The following RESP18 variants were observed in gnomAD, a reference collection of about 807,000 sequenced individuals.
RESP18 encodes regulated endocrine-specific protein 18.
RESP18 carries 30 observed loss-of-function variants against 30.0 expected under a neutral mutation model. The observed-to-expected ratio is 1.00, with a 90% CI of 0.75 to 1.36. The LOEUF is 1.36. Ranked by LOEUF, RESP18 falls within the 40% of genes most tolerant of loss-of-function variation. The pLI is 0.00. For synonymous variants in RESP18, 117 were observed against 111.2 expected (o/e 1.05, Z -0.33); for missense variants, 320 against 284.2 (o/e 1.13, Z -0.91).
chr2:219,332,442 T>C (rs1952840948), intron 2 of RESP18, 82 bp downstream of exon 1: 2 of 1,037,656 alleles, frequency 1.9e-6, no homozygotes, highest in Admixed American at 5.1e-5. Flanking sequence ...CCAAGTTTCC[T>C]AGCCTTGAGG....
rs1952820583 is a variant in RESP18, at chr2:219,330,653, A to G, written c.337+118T>C. ...TCATCCCCATGGGGGTAAATGTGACAAAGTTTTAAGTAGAGACATTTGGGG... is the reference window on the plus strand; with the variant it reads ...TCATCCCCATGGGGGTAAATGTGACGAAGTTTTAAGTAGAGACATTTGGGG... On this transcript the variant is annotated intron_variant, in intron 3 of 6. Transcript: ENST00000333527. 9 of 663,872 alleles carry G rather than the reference A, an allele frequency of 1.4e-5. No homozygotes were observed. The South Asian group carries it at 1.5e-4, about 11-fold the overall frequency. The allele number at this position is 663,872 out of a possible 1,614,324, so 41.1% of individuals were successfully genotyped here. A position where few individuals can be genotyped will look rare whatever the true frequency, so the allele number is the denominator to read the frequency against.
Position 219,327,543 on chromosome 2 carries a change from AG to A in RESP18, c.660del (p.Tyr221ThrfsTer10). Reference sequence around the variant, plus strand: ...CAGCCACAGGGTTGCGGCCCACAGTAGGAAGTGGCCCAGAGAAGCCCTAAAA... The same window carrying A: ...CAGCCACAGGGTTGCGGCCCACAGTAGAAGTGGCCCAGAGAAGCCCTAAAA... On this transcript the variant is annotated frameshift_variant, in exon 7 of 7. Coordinates refer to ENST00000333527, the MANE Select transcript of RESP18 (RefSeq NM_001007089.4). LOFTEE classifies it high-confidence loss of function. 6.4e-7 allele frequency: 1 copy of A among 1,551,682 alleles called. No homozygotes were observed. Among genetic ancestry groups the A allele is most frequent in the South Asian group, 1.2e-5 (1 of 84,062 alleles).
intron 4 of RESP18, 55 bp downstream of exon 3, chr2:219,329,582 T>C (rs1952808301): frequency 1.3e-6 from 2 of 1,547,724 alleles, no homozygotes; most frequent in Non-Finnish European, 1.7e-6. Context: ...ATTCCTTCCC[T>C]GTTCCGTCTG....
At chr2:219,329,348 T>G in intron 4 of RESP18, 96 bp from the exon 4 acceptor site, 1 of 1,551,712 alleles carries the variant, frequency 6.4e-7, no homozygotes, top group East Asian at 2.4e-5. Flanking sequence ...GGATTCACAA[T>G]TCTTGAGAAG....
intron 6 of RESP18, 58 bp downstream of exon 5, chr2:219,328,866 G>A: frequency 9.0e-7 from 1 of 1,105,200 alleles, no homozygotes; most frequent in Admixed American, 2.1e-5. Context: ...ATGGCAAAAA[G>A]GACGTTTAAT....
intron 6 of RESP18, 103 bp downstream of exon 5, chr2:219,328,821 A>G: frequency 5.8e-6 from 4 of 686,350 alleles, no homozygotes; most frequent in Non-Finnish European, 1.0e-5. Flanking sequence ...TCATCAAGGG[A>G]GTGTTGCTAT....
chr2:219,332,647 G>C lies in RESP18; in HGVS notation c.109C>G (p.Arg37Gly), dbSNP rs1296704339. 1 of 1,551,292 alleles carries C rather than the reference G, an allele frequency of 6.4e-7. No individual in the cohort carries two copies. The change falls in exon 2 of 7, where the codon CGC (arginine) becomes GGC (glycine). Residue 37 changes from arginine to glycine, a missense_variant. Transcript: ENST00000333527. ...TGCTGTATCCTCCCAGGCTCGGCGCGCTCACTCCCCGGCCAAGTCTCAGTG... is the reference window on the plus strand; with the variant it reads ...TGCTGTATCCTCCCAGGCTCGGCGCCCTCACTCCCCGGCCAAGTCTCAGTG...
intron 1 of RESP18, 34 bp from the exon 1 acceptor site, chr2:219,332,778 G>C (rs542443264): frequency 6.8e-7 from 1 of 1,467,874 alleles, no homozygotes; most frequent in African/African-American, 1.4e-5. Flanking sequence ...ATCGTGAGCG[G>C]GCCCTGCCCC....
chr2:219,331,090 TA>T, intron 2 of RESP18: 1 of 488,152 alleles, frequency 2.0e-6, no homozygotes, highest in South Asian at 2.7e-5. Flanking sequence ...TCACTCTTGG[TA>T]CCAACTTACA....
intron 1 of RESP18, chr2:219,333,048 C>G: frequency 2.0e-6 from 2 of 976,866 alleles, no homozygotes; most frequent in Non-Finnish European, 2.9e-6. Context: ...CCTTGACACT[C>G]TTTACTCTGG....
Position 219,332,637 on chromosome 2 carries a change from G to A in RESP18, c.119C>T (p.Pro40Leu), listed in dbSNP as rs755208921. The change falls in exon 2 of 7, where the codon CCT becomes CTT. Residue 40 changes from proline to leucine, a missense_variant. By Grantham distance (98) the Pro-to-Leu change is moderately conservative. Coordinates refer to ENST00000333527, the MANE Select transcript of RESP18 (RefSeq NM_001007089.4). ...CCACAGTGGGTGCTGTATCCTCCCAGGCTCGGCGCGCTCACTCCCCGGCCA... is the reference window on the plus strand; with the variant it reads ...CCACAGTGGGTGCTGTATCCTCCCAAGCTCGGCGCGCTCACTCCCCGGCCA... 5 of 1,551,378 alleles carry A rather than the reference G, an allele frequency of 3.2e-6. No homozygotes were observed. Among genetic ancestry groups the A allele is most frequent in the South Asian group, 1.2e-5 (1 of 84,050 alleles).
intron 2 of RESP18, chr2:219,331,129 G>A (rs957808225): frequency 1.0e-5 from 4 of 393,554 alleles, no homozygotes; most frequent in Non-Finnish European, 4.6e-6. Context: ...AGAGCAGCCT[G>A]TAGAAGTTCA....
intron 3 of RESP18, 146 bp from the exon 3 acceptor site, chr2:219,329,910 A>G (rs1334035560): frequency 1.3e-5 from 10 of 744,786 alleles, no homozygotes; most frequent in Non-Finnish European, 2.1e-5. Flanking sequence ...TGCTTAGCAT[A>G]GTGCCTAGCA....
At chr2:219,333,138 T>C in intron 1 of RESP18, 1 of 1,475,842 alleles carries the variant, frequency 6.8e-7, no homozygotes, top group East Asian at 2.5e-5. Context: ...ATATATTATA[T>C]ATGGCACATC....
intron 5 of RESP18, 62 bp from the exon 5 acceptor site, chr2:219,329,070 G>A (rs1024762904): frequency 3.9e-5 from 57 of 1,476,348 alleles, no homozygotes; most frequent in Middle Eastern, 1.7e-4. Context: ...TTTCTGCAGC[G>A]ATCTGCCCTC....
rs553312245 is a variant in RESP18, at chr2:219,327,664, T to C, written c.641-101A>G. The C allele has an allele frequency of 4.3e-5, 43 of 999,376 alleles. 1 individual carries two copies. The South Asian group carries it at 5.8e-4, about 14-fold the overall frequency. 61.9% of individuals were successfully genotyped at this position (999,376 alleles called of 1,614,324 possible). On this transcript the variant is annotated intron_variant, in intron 6 of 6. Transcript: ENST00000333527. ...CAAATACTGTAGTAACAGCCTGATTTGAGTAACCCTTCAGCATGGTGACAG... is the reference window on the plus strand; with the variant it reads ...CAAATACTGTAGTAACAGCCTGATTCGAGTAACCCTTCAGCATGGTGACAG...
chr2:219,333,148 C>A, intron 1 of RESP18: 1 of 1,518,120 alleles, frequency 6.6e-7, no homozygotes, highest in Non-Finnish European at 8.9e-7. Flanking sequence ...TATGGCACAT[C>A]CATCCACTTT....
At position 219,329,177 on chromosome 2, in the gene RESP18, C is replaced by T. The variant is rs1296187948; in HGVS notation, c.541G>A (p.Ala181Thr). ...GAGCCCCTCACCTTGACAGGGTTGG[C>T]CACCTCTTGTTTCAGGGCCTTAGAA... Residue 181 changes from alanine to threonine, a missense_variant, in exon 5 of 7, where the codon GCC becomes ACC. By Grantham distance (58) the Ala-to-Thr change is moderately conservative. Coordinates refer to ENST00000333527, the MANE Select transcript of RESP18 (RefSeq NM_001007089.4). The T allele has an allele frequency of 8.4e-6, 13 of 1,551,608 alleles. No individual in the cohort carries two copies. In the East Asian group the frequency reaches 3.2e-4, roughly 38 times the overall value.
chr2:219,330,206 A>G (rs1952815536), intron 3 of RESP18, among the ~76,000 whole-genome samples: 1 of 152,192 alleles, frequency 6.6e-6, no homozygotes, highest in Non-Finnish European at 1.5e-5. Context: ...CCAGGGGTGC[A>G]CTTTGAGAAC....
Sources: gnomAD v4.1 joint callset for allele counts (sites outside exome capture counted in the v4.1 genomes callset) on GRCh38, gnomAD v4.1.1 for gene constraint, MANE v1.5 for transcripts, NCBI Gene and HGNC (gene_info 2026-07-23, HGNC 2026-07-21) for gene names.